The following ATP8A1 variants were observed in gnomAD, a reference collection of about 807,000 sequenced individuals.
The protein encoded by ATP8A1 is ATPase phospholipid transporting 8A1.
In ATP8A1, 90 loss-of-function variants were observed where a neutral mutation model predicts 177.7. The ratio of observed to expected loss-of-function variants is 0.51; its 90% confidence interval spans 0.43 to 0.60. The LOEUF (loss-of-function observed/expected upper bound fraction) is 0.60, where lower values mean the gene tolerates loss of function less well. Ranked by LOEUF, ATP8A1 falls within the 20% of genes least tolerant of loss-of-function variation. The pLI is 0.00. For missense variants in ATP8A1, 1,072 were observed against 1,392.8 expected (o/e 0.77, Z 3.67); for synonymous variants, 493 against 485.9 (o/e 1.01, Z -0.19).
chr4:42,606,090 T>C (rs1735769340), intron 5 of ATP8A1, among the ~76,000 whole-genome samples: 1 of 152,224 alleles, frequency 6.6e-6, no homozygotes, highest in Non-Finnish European at 1.5e-5. Context: ...CAACATGCCA[T>C]AAATACTTTA....
At chr4:42,475,051 T>C (rs1037674304) in intron 25 of ATP8A1, among the ~76,000 whole-genome samples, 8 of 152,336 alleles carry the variant, frequency 5.3e-5, no homozygotes, top group South Asian at 4.1e-4. Flanking sequence ...TAAGTTATTA[T>C]TGTCACCATT....
chr4:42,636,794 C>T (rs576986530), intron 1 of ATP8A1, among the ~76,000 whole-genome samples: 1 of 152,286 alleles, frequency 6.6e-6, no homozygotes, highest in East Asian at 1.9e-4. Context: ...AGGCTCCATG[C>T]TCCTCATTGA....
chr4:42,510,805 T>C (rs911229128), intron 22 of ATP8A1, among the ~76,000 whole-genome samples: 6 of 152,114 alleles, frequency 3.9e-5, no homozygotes, highest in Admixed American at 3.9e-4. Context: ...AGAGATCACA[T>C]TGAAATCATA....
At position 42,544,967 on chromosome 4, in the gene ATP8A1, C is replaced by G. The variant is rs369029335; in HGVS notation, c.1653-981G>C. 6.6e-5 allele frequency among the ~76,000 whole-genome samples: 10 copies of G among 152,112 alleles called. No homozygotes were observed. In the East Asian group the frequency reaches 1.7e-3, roughly 26 times the overall value. The stretch of plus-strand genomic sequence containing the variant: ...ACAAGGTCAGGAGTTCGAGATCAGC[C>G]TGACCAACATGGTGAAACCCTGTCT... On this transcript the variant is annotated intron_variant, in intron 19 of 36. Transcript: ENST00000381668.
chr4:42,485,701 C>T, intron 24 of ATP8A1, 33 bp from the exon 25 acceptor site: 4 of 1,569,636 alleles, frequency 2.5e-6, no homozygotes, highest in Non-Finnish European at 3.5e-6. Flanking sequence ...ATGCCATCAA[C>T]ATTTACTCCC....
chr4:42,615,956 T>G, intron 5 of ATP8A1, 77 bp downstream of exon 5: 1 of 1,317,998 alleles, frequency 7.6e-7, no homozygotes, highest in Non-Finnish European at 1.1e-6. Flanking sequence ...TGCAATTGAA[T>G]TATATGTAAT....
intron 33 of ATP8A1, among the ~76,000 whole-genome samples, chr4:42,424,225 T>C (rs554778945): frequency 6.6e-6 from 1 of 152,208 alleles, no homozygotes; most frequent in Admixed American, 6.5e-5. Flanking sequence ...ACTTTAATAA[T>C]TTCTTTGTAA....
intron 23 of ATP8A1, among the ~76,000 whole-genome samples, chr4:42,506,468 G>A (rs938219755): frequency 6.6e-5 from 10 of 152,164 alleles, no homozygotes; most frequent in African/African-American, 2.4e-4. Context: ...CCAGCTCGTG[G>A]TATTTTGTTA....
intron 4 of ATP8A1, among the ~76,000 whole-genome samples, chr4:42,617,041 C>G (rs1041144384): frequency 4.6e-5 from 7 of 152,100 alleles, no homozygotes; most frequent in Non-Finnish European, 1.5e-5. Flanking sequence ...GCGTACCTGA[C>G]TATAATATGG....
Position 42,485,622 on chromosome 4 carries a change from G to C in ATP8A1, c.2198C>G (p.Ala733Gly). ...AGCAAAATCATTCTCTTTCCGGAGAGCATCACCAAGGGTAGTACAGTGACG... is the reference window on the plus strand; with the variant it reads ...AGCAAAATCATTCTCTTTCCGGAGACCATCACCAAGGGTAGTACAGTGACG... ...LSRHCTTLGD[A>G]LRKENDFALI... The change falls in exon 25 of 37, where the codon GCT becomes GGT. Residue 733 changes from alanine to glycine, a missense_variant. Ala to Gly is a moderately conservative substitution (Grantham distance 60, BLOSUM62 0). Coordinates refer to ENST00000381668, the MANE Select transcript of ATP8A1 (RefSeq NM_006095.2). The C allele has an allele frequency of 6.2e-7, 1 of 1,613,702 alleles. No homozygotes were observed. Among genetic ancestry groups the C allele is most frequent in the Non-Finnish European group, 8.5e-7 (1 of 1,179,744 alleles).
At chr4:42,438,294 G>A (rs1037315362) in intron 33 of ATP8A1, among the ~76,000 whole-genome samples, 2 of 152,178 alleles carry the variant, frequency 1.3e-5, no homozygotes, top group African/African-American at 4.8e-5. Flanking sequence ...GTGTGGCTGT[G>A]AACATTAAAT....
chr4:42,552,569 T>G lies in ATP8A1; in HGVS notation c.1455A>C (p.Ala485=). The change falls in exon 17 of 37, where the codon GCA becomes GCC. Residue 485 remains alanine, a synonymous_variant. Transcript: ENST00000381668. ...PIICEFLTMM[A]VCHTAVPERE... is the part of the protein sequence containing the mutation. ...GCTCTGGCACTGCTGTGTGACAGAC[T>G]GCCATCATTGTAAGAAATTCACATA... is the stretch of plus-strand genomic sequence containing the variant. 6.2e-7 allele frequency: 1 copy of G among 1,613,792 alleles called. No individual in the cohort carries two copies. The highest frequency in any genetic ancestry group is 8.5e-7 in the Non-Finnish European group (1 of 1,179,928).
intron 7 of ATP8A1, among the ~76,000 whole-genome samples, chr4:42,589,111 G>C (rs890233899): frequency 6.6e-6 from 1 of 152,126 alleles, no homozygotes; most frequent in African/African-American, 2.4e-5. Context: ...ATGTTCTCCA[G>C]TTTTATCACA....
At chr4:42,611,350 T>G (rs1319727552) in intron 5 of ATP8A1, among the ~76,000 whole-genome samples, 1 of 152,214 alleles carries the variant, frequency 6.6e-6, no homozygotes, top group East Asian at 1.9e-4. Context: ...AAAACTGCTT[T>G]ATTACTTATT....
intron 27 of ATP8A1, among the ~76,000 whole-genome samples, chr4:42,457,354 C>T (rs1718596700): frequency 2.0e-5 from 3 of 152,150 alleles, no homozygotes; most frequent in African/African-American, 7.2e-5. Context: ...ATTTGGGATA[C>T]TCAGAGTGAT....
chr4:42,631,124 T>C (rs991498398), intron 1 of ATP8A1, among the ~76,000 whole-genome samples: 1 of 152,194 alleles, frequency 6.6e-6, no homozygotes, highest in Admixed American at 6.5e-5. Flanking sequence ...GGTTAGAGGT[T>C]GAAGAATGTT....
At chr4:42,538,126 C>T (rs996697372) in intron 20 of ATP8A1, among the ~76,000 whole-genome samples, 2 of 152,062 alleles carry the variant, frequency 1.3e-5, no homozygotes, top group African/African-American at 4.8e-5. Context: ...TACTTATGGC[C>T]AACTGATCTT....
At position 42,602,769 on chromosome 4, in the gene ATP8A1, AAAAAT is replaced by A. The variant is rs200078441; in HGVS notation, c.410-2256_410-2252del. ...GGGTGACAGAGCAAGACTCCGTCTC[AAAAAT>A]AAAATAAAATAAAATTAAAATAAAT... On this transcript the variant is annotated intron_variant, in intron 5 of 36. Transcript: ENST00000381668. Among the ~76,000 whole-genome samples the A allele has an allele frequency of 3.4e-4, 52 of 151,562 alleles. 1 individual carries two copies. In the East Asian group the frequency reaches 7.7e-3, roughly 22 times the overall value.
intron 1 of ATP8A1, among the ~76,000 whole-genome samples, chr4:42,654,815 G>A (rs1741461321): frequency 6.6e-6 from 1 of 152,216 alleles, no homozygotes; most frequent in Admixed American, 6.5e-5. Context: ...AGGCCAAAAA[G>A]GCTGCAGTTC....
Sources: allele counts gnomAD v4.1 joint callset (sites outside exome capture counted in the v4.1 genomes callset), GRCh38; gene constraint gnomAD v4.1.1; transcripts MANE v1.5; gene names NCBI Gene and HGNC (gene_info 2026-07-23, HGNC 2026-07-21).